The following DSCAM variants were observed in gnomAD, a reference collection of about 807,000 sequenced individuals.
The protein encoded by DSCAM is DS cell adhesion molecule.
In DSCAM, 47 loss-of-function variants were observed where a neutral mutation model predicts 217.7. The ratio of observed to expected loss-of-function variants is 0.22; its 90% CI spans 0.17 to 0.28. DSCAM has a LOEUF of 0.28. DSCAM is among the 10% of genes least tolerant of loss of function. The probability of loss-of-function intolerance (pLI) is 1.00; values close to 1 mark genes in which losing one functional copy is unlikely to be tolerated. For missense variants in DSCAM, 2,080 were observed against 2,618.3 expected (o/e 0.79, Z 4.49); for synonymous variants, 1,056 against 1,015.3 (o/e 1.04, Z -0.76).
At chr21:40,216,830 G>A (rs2146894616) in intron 11 of DSCAM, among the ~76,000 whole-genome samples, 1 of 152,348 alleles carries the variant, frequency 6.6e-6, no homozygotes, top group East Asian at 1.9e-4. Flanking sequence ...TGCCCTGTTA[G>A]AATGTGATGG....
chr21:40,116,996 T>C (rs2089978622), intron 20 of DSCAM, among the ~76,000 whole-genome samples: 1 of 97,968 alleles, frequency 1.0e-5, no homozygotes, highest in Non-Finnish European at 1.9e-5. Context: ...AGTGAGACTC[T>C]GTCTCAAAAA....
chr21:40,268,269 A>G (rs1291873113), intron 11 of DSCAM, among the ~76,000 whole-genome samples: 2 of 152,182 alleles, frequency 1.3e-5, no homozygotes, highest in Non-Finnish European at 2.9e-5. Flanking sequence ...AATTCTTGAC[A>G]CTAGGGAGCA....
At chr21:40,756,550 C>T (rs2091278255) in intron 1 of DSCAM, among the ~76,000 whole-genome samples, 1 of 144,074 alleles carries the variant, frequency 6.9e-6, no homozygotes, top group East Asian at 2.1e-4. Flanking sequence ...TGCCACAATG[C>T]CCAGCTAATT....
rs115839645 is a variant in DSCAM, at chr21:40,279,215, T to A, written c.2183-2945A>T. ...TAATGAGTATTTTATAAAGTGAGAC[T>A]AAAAGGACAACCATTTTTATCCCTA... On this transcript the variant is annotated intron_variant, in intron 10 of 32. Coordinates refer to ENST00000400454, the MANE Select transcript of DSCAM (RefSeq NM_001389.5). Among the ~76,000 whole-genome samples the A allele has an allele frequency of 3.9e-3, 601 of 152,344 alleles. 2 individuals carry two copies. Among genetic ancestry groups the A allele is most frequent in the African/African-American group, 0.013 (545 of 41,582 alleles).
chr21:40,656,850 T>C (rs1438861502), intron 3 of DSCAM, among the ~76,000 whole-genome samples: 1 of 152,208 alleles, frequency 6.6e-6, no homozygotes, highest in Non-Finnish European at 1.5e-5. Context: ...GAGTGTATCT[T>C]ATCTTATCTC....
At chr21:40,822,979 G>T (rs529249958) in intron 1 of DSCAM, among the ~76,000 whole-genome samples, 1 of 152,006 alleles carries the variant, frequency 6.6e-6, no homozygotes, top group South Asian at 2.1e-4. Context: ...GCGAAACCCC[G>T]TCTCTACTAA....
chr21:40,313,490 G>GT (rs1332286714), intron 8 of DSCAM, among the ~76,000 whole-genome samples: 1 of 152,228 alleles, frequency 6.6e-6, no homozygotes, highest in Non-Finnish European at 1.5e-5. Flanking sequence ...CCTAGATGAT[G>GT]TCATAGGGTA....
At chr21:40,494,810 A>T (rs59074734) in intron 3 of DSCAM, among the ~76,000 whole-genome samples, 1 of 149,722 alleles carries the variant, frequency 6.7e-6, no homozygotes, top group Non-Finnish European at 1.5e-5. Context: ...AAAGATCAAC[A>T]AAACTAAAGT....
At chr21:40,296,748 T>C (rs1290286046) in intron 9 of DSCAM, among the ~76,000 whole-genome samples, 1 of 149,546 alleles carries the variant, frequency 6.7e-6, no homozygotes, top group Non-Finnish European at 1.5e-5. Context: ...GGAGAATTGC[T>C]TGGACCCGGG....
chr21:40,025,823 C>T (rs1463495791), intron 32 of DSCAM, among the ~76,000 whole-genome samples: 2 of 150,770 alleles, frequency 1.3e-5, no homozygotes, highest in African/African-American at 4.9e-5. Flanking sequence ...AAAAAACCAG[C>T]TCCTGGATTC....
In DSCAM at chr21:40,616,508, C is replaced by T. The variant is rs111738255; in HGVS notation, c.508+76302G>A. Among the ~76,000 whole-genome samples, 882 of 152,300 alleles carry T rather than the reference C, an allele frequency of 5.8e-3. 10 individuals carry two copies. The highest frequency in any genetic ancestry group is 0.019 in the African/African-American group (785 of 41,568). ...AAGCTGCCCTCCCTGGGCTTAGACA[C>T]TTGGCTTACATCACTGAAGTTCATT... On this transcript the variant is annotated intron_variant, in intron 3 of 32. Coordinates refer to ENST00000400454, the MANE Select transcript of DSCAM (RefSeq NM_001389.5).
chr21:40,618,089 C>A (rs78853469), intron 3 of DSCAM, among the ~76,000 whole-genome samples: 1 of 152,124 alleles, frequency 6.6e-6, no homozygotes, highest in Non-Finnish European at 1.5e-5. Flanking sequence ...AAGAGCTGTG[C>A]GGGACTGATT....
At chr21:40,145,037 GA>G (rs1368713477) in intron 16 of DSCAM, among the ~76,000 whole-genome samples, 1 of 152,180 alleles carries the variant, frequency 6.6e-6, no homozygotes, top group Non-Finnish European at 1.5e-5. Flanking sequence ...TTGGGCCCCA[GA>G]GCCTGCGCTC....
At chr21:40,303,506 T>C (rs1054627528) in intron 9 of DSCAM, among the ~76,000 whole-genome samples, 3 of 152,166 alleles carry the variant, frequency 2.0e-5, no homozygotes, top group Non-Finnish European at 2.9e-5. Flanking sequence ...GTACAACATG[T>C]TTATTTTTCA....
At chr21:40,036,571 G>A (rs1186456450) in intron 32 of DSCAM, among the ~76,000 whole-genome samples, 51 of 146,526 alleles carry the variant, frequency 3.5e-4, no homozygotes, top group Admixed American at 3.0e-3. Context: ...ATTCACAGCC[G>A]AATTCTACCA....
At chr21:40,821,392 C>T (rs938038325) in intron 1 of DSCAM, among the ~76,000 whole-genome samples, 11 of 149,220 alleles carry the variant, frequency 7.4e-5, no homozygotes, top group Non-Finnish European at 1.2e-4. Flanking sequence ...GACACACGCG[C>T]GCACACACAC....
chr21:40,816,301 G>C (rs1003335759), intron 1 of DSCAM, among the ~76,000 whole-genome samples: 1 of 152,154 alleles, frequency 6.6e-6, no homozygotes. Flanking sequence ...GATGCTAGAT[G>C]CCCTTCCTAC....
At chr21:40,604,558 G>A (rs1344520675) in intron 3 of DSCAM, among the ~76,000 whole-genome samples, 1 of 152,180 alleles carries the variant, frequency 6.6e-6, no homozygotes, top group African/African-American at 2.4e-5. Context: ...TTAGCATGAG[G>A]TTTTACATGA....
At chr21:40,114,069 G>C (rs1328895767) in intron 20 of DSCAM, among the ~76,000 whole-genome samples, 1 of 151,552 alleles carries the variant, frequency 6.6e-6, no homozygotes, top group Non-Finnish European at 1.5e-5. Flanking sequence ...CTACTTTAAA[G>C]TTCATATGGA....
Sources: gnomAD v4.1 joint callset for allele counts (sites outside exome capture counted in the v4.1 genomes callset) on GRCh38, gnomAD v4.1.1 for gene constraint, MANE v1.5 for transcripts, NCBI Gene and HGNC (gene_info 2026-07-23, HGNC 2026-07-21) for gene names.